GALNT14: variants seen among roughly 807,000 people sequenced by gnomAD.
GALNT14 encodes UDP-GalNAc:polypeptide N-acetylgalactosaminyltransferase 14.
GALNT14 carries 60 observed loss-of-function variants against 77.5 expected under a neutral mutation model. The ratio of observed to expected loss-of-function variants is 0.77; its 90% confidence interval spans 0.63 to 0.96. The LOEUF (loss-of-function observed/expected upper bound fraction) is 0.96, where lower values mean the gene tolerates loss of function less well. Ranked by LOEUF, GALNT14 falls within the 40% of genes least tolerant of loss-of-function variation. GALNT14 has a pLI of 0.00. For synonymous variants in GALNT14, 280 were observed against 281.7 expected (o/e 0.99, Z 0.06); for missense variants, 710 against 731.0 (o/e 0.97, Z 0.33).
intron 1 of GALNT14, among the ~76,000 whole-genome samples, chr2:31,101,852 T>C (rs1156590806): frequency 6.6e-6 from 1 of 152,036 alleles, no homozygotes; most frequent in African/African-American, 2.4e-5. Context: ...ATAGTGGTGG[T>C]TTCCCCCATG....
intron 1 of GALNT14, among the ~76,000 whole-genome samples, chr2:31,012,433 G>A (rs1324113747): frequency 6.6e-6 from 1 of 152,154 alleles, no homozygotes; most frequent in Non-Finnish European, 1.5e-5. Context: ...CGTGTGTCCT[G>A]GAGGCAGGAG....
chr2:31,057,981 C>T (rs934190003), intron 1 of GALNT14, among the ~76,000 whole-genome samples: 1 of 152,100 alleles, frequency 6.6e-6, no homozygotes, highest in Non-Finnish European at 1.5e-5. Flanking sequence ...CAGCTCCTGT[C>T]GGGGACCTCT....
At chr2:31,016,996 CA>C (rs1407327327) in intron 1 of GALNT14, among the ~76,000 whole-genome samples, 1 of 152,216 alleles carries the variant, frequency 6.6e-6, no homozygotes, top group Non-Finnish European at 1.5e-5. Context: ...ACTGAATCCT[CA>C]AAAACCCTGC....
At chr2:30,923,786 T>A (rs1215245328) in intron 13 of GALNT14, among the ~76,000 whole-genome samples, 1 of 152,220 alleles carries the variant, frequency 6.6e-6, no homozygotes, top group Non-Finnish European at 1.5e-5. Flanking sequence ...AGCTGTGCCA[T>A]TGGCCTTGCC....
intron 1 of GALNT14, among the ~76,000 whole-genome samples, chr2:31,055,389 C>T (rs1674145365): frequency 6.6e-6 from 1 of 152,238 alleles, no homozygotes; most frequent in Admixed American, 6.5e-5. Flanking sequence ...ATTAAAGGCA[C>T]TATATAAAAC....
chr2:31,015,237 A>G (rs1448389762), intron 1 of GALNT14, among the ~76,000 whole-genome samples: 1 of 150,732 alleles, frequency 6.6e-6, no homozygotes, highest in Admixed American at 6.6e-5. Flanking sequence ...GGTTGCAGTG[A>G]GCCAAGAGCG....
chr2:31,048,403 A>C (rs1187662510), intron 1 of GALNT14, among the ~76,000 whole-genome samples: 1 of 152,226 alleles, frequency 6.6e-6, no homozygotes, highest in Non-Finnish European at 1.5e-5. Flanking sequence ...GTAGTTCAGC[A>C]AAAGGAAGAC....
At chr2:31,093,699 A>C (rs769494831) in intron 1 of GALNT14, among the ~76,000 whole-genome samples, 1 of 152,236 alleles carries the variant, frequency 6.6e-6, no homozygotes, top group Non-Finnish European at 1.5e-5. Flanking sequence ...CAAGTGCTAC[A>C]TTTCTTATTA....
intron 1 of GALNT14, among the ~76,000 whole-genome samples, chr2:31,045,116 T>C (rs1435780460): frequency 6.6e-6 from 1 of 152,004 alleles, no homozygotes; most frequent in Non-Finnish European, 1.5e-5. Flanking sequence ...GGGTTAGGTA[T>C]AAGGTGCAGG....
intron 1 of GALNT14, among the ~76,000 whole-genome samples, chr2:31,110,601 T>C (rs1677786647): frequency 6.6e-6 from 1 of 152,142 alleles, no homozygotes; most frequent in Non-Finnish European, 1.5e-5. Context: ...TGTCCTTCCC[T>C]GACCTCCCAG....
chr2:30,948,557 T>TTA (rs1312173235), intron 6 of GALNT14, among the ~76,000 whole-genome samples: 1 of 152,194 alleles, frequency 6.6e-6, no homozygotes, highest in African/African-American at 2.4e-5. Context: ...GCGGGGAGCT[T>TTA]TACCCTTTGG....
intron 1 of GALNT14, among the ~76,000 whole-genome samples, chr2:31,088,655 G>A (rs998841348): frequency 2.0e-5 from 3 of 152,204 alleles, no homozygotes; most frequent in Admixed American, 1.3e-4. Context: ...GTGGTTATTG[G>A]TTGTGCAGAA....
intron 1 of GALNT14, among the ~76,000 whole-genome samples, chr2:31,063,715 T>G (rs959267925): frequency 5.3e-5 from 8 of 152,192 alleles, no homozygotes; most frequent in African/African-American, 1.4e-4. Flanking sequence ...TTCCGTTTGT[T>G]TGTTTCCTCT....
chr2:31,053,933 T>C (rs539402470), intron 1 of GALNT14, among the ~76,000 whole-genome samples: 1 of 152,334 alleles, frequency 6.6e-6, no homozygotes, highest in East Asian at 1.9e-4. Flanking sequence ...CTTGAGCCCC[T>C]GCCATCGTTT....
intron 1 of GALNT14, among the ~76,000 whole-genome samples, chr2:31,073,808 C>T (rs906946932): frequency 1.3e-5 from 2 of 152,152 alleles, no homozygotes; most frequent in African/African-American, 4.8e-5. Context: ...TTTAAAATAT[C>T]ATTAGCCTCT....
At chr2:31,038,084 A>ATTTTTTTTTTTTTTT (rs1196402402) in intron 1 of GALNT14, among the ~76,000 whole-genome samples, 1 of 52,664 alleles carries the variant, frequency 1.9e-5, no homozygotes. Context: ...ATATATATAT[A>ATTTTTTTTTTTTTTT]TTTTTTTTTT....
chr2:30,934,025 A>G (rs919064183), intron 9 of GALNT14, among the ~76,000 whole-genome samples: 2 of 152,230 alleles, frequency 1.3e-5, no homozygotes, highest in African/African-American at 4.8e-5. Context: ...GATGACTTAC[A>G]GATGCTTCTT....
intron 1 of GALNT14, among the ~76,000 whole-genome samples, chr2:31,135,585 T>C (rs904871350): frequency 6.6e-6 from 1 of 151,490 alleles, no homozygotes; most frequent in African/African-American, 2.4e-5. Context: ...AAATTCATGG[T>C]TCTAGAAGGA....
At chr2:30,899,059 TC>T in the GALNT14 span, among the ~76,000 whole-genome samples, 1 of 152,208 alleles carries the variant, frequency 6.6e-6, no homozygotes, top group African/African-American at 2.4e-5. Flanking sequence ...CCACCCTCCA[TC>T]TGCACACCTC....
Sources: allele counts gnomAD v4.1 joint callset (sites outside exome capture counted in the v4.1 genomes callset), GRCh38; gene constraint gnomAD v4.1.1; transcripts MANE v1.5; gene names NCBI Gene and HGNC (gene_info 2026-07-23, HGNC 2026-07-21).